The following GPHN variants were observed in gnomAD, a reference collection of about 807,000 sequenced individuals.
The protein encoded by GPHN is gephyrin.
GPHN carries 17 observed loss-of-function variants against 95.5 expected under a neutral mutation model. That is an observed-to-expected ratio of 0.18 (90% confidence interval 0.12 to 0.27). The LOEUF (loss-of-function observed/expected upper bound fraction) is 0.27, where lower values mean the gene tolerates loss of function less well. Among genes scored for constraint, GPHN ranks in the 10% least tolerant of loss-of-function variants. The pLI, the probability that GPHN is intolerant of heterozygous loss-of-function variation, is 1.00. For missense variants in GPHN, 660 were observed against 978.1 expected, an observed-to-expected ratio of 0.67 and a Z score of 4.34; for synonymous variants, 320 against 322.5, an observed-to-expected ratio of 0.99 and a Z score of 0.08.
the GPHN span, chr14:67,577,993 C>T: frequency 6.3e-7 from 1 of 1,598,062 alleles, no homozygotes; most frequent in Admixed American, 1.7e-5. Context: ...GGATGCTGGT[C>T]TGCCTGTGCT....
intron 9 of GPHN, among the ~76,000 whole-genome samples, chr14:67,015,878 A>G (rs1170022099): frequency 1.3e-5 from 2 of 152,156 alleles, no homozygotes; most frequent in African/African-American, 4.8e-5. Flanking sequence ...GATTACTGTT[A>G]AATGATTAGT....
At chr14:67,206,609 AAGGT>A in the GPHN span, among the ~76,000 whole-genome samples, 2 of 152,360 alleles carry the variant, frequency 1.3e-5, no homozygotes, top group African/African-American at 4.8e-5. Flanking sequence ...TTAAGTGAAA[AAGGT>A]AGGAGACAGA....
intron 10 of GPHN, among the ~76,000 whole-genome samples, chr14:67,034,572 A>G (rs1256680213): frequency 6.6e-6 from 1 of 152,144 alleles, no homozygotes; most frequent in Non-Finnish European, 1.5e-5. Context: ...AGACACATAT[A>G]GGCTGAAAAT....
the GPHN span, among the ~76,000 whole-genome samples, chr14:67,372,527 A>C: frequency 6.6e-6 from 1 of 152,174 alleles, no homozygotes; most frequent in Non-Finnish European, 1.5e-5. Flanking sequence ...ACTCTTGAAC[A>C]ACCTAAAAAA....
chr14:67,434,969 TC>T, the GPHN span, among the ~76,000 whole-genome samples: 1,862 of 130,706 alleles, frequency 0.014, 19 homozygotes, highest in Middle Eastern at 0.019. Context: ...CTTCTCTCTC[TC>T]TTTTTTTTTT....
chr14:67,583,813 C>A, the GPHN span: 1 of 1,613,070 alleles, frequency 6.2e-7, no homozygotes, highest in Non-Finnish European at 8.5e-7. Flanking sequence ...GGCTCAGCAT[C>A]TTCTCCAGCA....
intron 1 of GPHN, among the ~76,000 whole-genome samples, chr14:66,540,190 G>A (rs2059306449): frequency 6.6e-6 from 1 of 152,158 alleles, no homozygotes; most frequent in Admixed American, 6.5e-5. Context: ...ATCCAGGCTA[G>A]AGAACAACTT....
the GPHN span, among the ~76,000 whole-genome samples, chr14:67,398,443 C>T: frequency 2.0e-5 from 3 of 152,308 alleles, no homozygotes; most frequent in South Asian, 6.2e-4. Context: ...CCCATTGGCT[C>T]TACCACCCAC....
At chr14:67,358,988 A>G in the GPHN span, among the ~76,000 whole-genome samples, 2 of 152,202 alleles carry the variant, frequency 1.3e-5, no homozygotes, top group African/African-American at 2.4e-5. Flanking sequence ...AGAGAAAGAC[A>G]CATAAACAAA....
the GPHN span, among the ~76,000 whole-genome samples, chr14:67,388,737 AGGCAC>A: frequency 6.6e-6 from 1 of 152,038 alleles, no homozygotes; most frequent in Non-Finnish European, 1.5e-5. Context: ...TGGAGTGCAG[AGGCAC>A]GATCTCGGCT....
At chr14:66,522,502 G>A (rs1056778993) in intron 1 of GPHN, among the ~76,000 whole-genome samples, 1 of 151,998 alleles carries the variant, frequency 6.6e-6, no homozygotes, top group African/African-American at 2.4e-5. Context: ...TAATAATTGT[G>A]GAACCTCTTA....
the GPHN span, among the ~76,000 whole-genome samples, chr14:67,512,068 G>T: frequency 3.9e-5 from 6 of 152,182 alleles, no homozygotes; most frequent in African/African-American, 1.4e-4. Flanking sequence ...AATTCTGAGT[G>T]CATCTTTATC....
chr14:66,814,493 A>G (rs553345730), intron 3 of GPHN, among the ~76,000 whole-genome samples: 3 of 152,340 alleles, frequency 2.0e-5, no homozygotes, highest in Non-Finnish European at 2.9e-5. Flanking sequence ...CTGGGGCCCA[A>G]TGCAAGTCCC....
At chr14:66,936,107 G>A (rs947562958) in intron 8 of GPHN, among the ~76,000 whole-genome samples, 18 of 152,236 alleles carry the variant, frequency 1.2e-4, no homozygotes, top group African/African-American at 3.4e-4. Context: ...GTCCAGGTGC[G>A]GTGGCTCACG....
chr14:67,692,860 A>G, the GPHN span: 1 of 1,116,386 alleles, frequency 9.0e-7, no homozygotes, highest in South Asian at 1.4e-5. Flanking sequence ...GGAAGAAACA[A>G]TGAGAATGAA....
the GPHN span, chr14:67,734,589 A>G: frequency 6.2e-6 from 1 of 161,086 alleles, no homozygotes; most frequent in African/African-American, 2.4e-5. Flanking sequence ...GCCTAGGCCT[A>G]GAACTCAGGG....
chr14:67,733,398 T>C, the GPHN span, among the ~76,000 whole-genome samples: 1 of 152,248 alleles, frequency 6.6e-6, no homozygotes, highest in Non-Finnish European at 1.5e-5. Context: ...GTAGTAGTGA[T>C]ACCTGTGACT....
At chr14:66,691,055 G>C (rs1360983497) in intron 2 of GPHN, among the ~76,000 whole-genome samples, 1 of 152,142 alleles carries the variant, frequency 6.6e-6, no homozygotes, top group Non-Finnish European at 1.5e-5. Context: ...TTAAAATTAA[G>C]TATAGGCTGG....
chr14:66,579,749 A>T (rs888985523), intron 1 of GPHN, among the ~76,000 whole-genome samples: 1 of 151,898 alleles, frequency 6.6e-6, no homozygotes, highest in Non-Finnish European at 1.5e-5. Flanking sequence ...CTGCAAGACA[A>T]TAATAGTATA....
Sources: gnomAD v4.1 joint callset for allele counts (sites outside exome capture counted in the v4.1 genomes callset) on GRCh38, gnomAD v4.1.1 for gene constraint, MANE v1.5 for transcripts, NCBI Gene and HGNC (gene_info 2026-07-23, HGNC 2026-07-21) for gene names.